ZSCAN31: variants seen among roughly 807,000 people sequenced by gnomAD.
ZSCAN31 encodes zinc finger and SCAN domain-containing protein 31.
A neutral mutation model predicts 22.5 loss-of-function variants in ZSCAN31; 14 were observed. The ratio of observed to expected loss-of-function variants is 0.62; its 90% CI spans 0.41 to 0.97. The LOEUF (loss-of-function observed/expected upper bound fraction) is 0.97, where lower values mean the gene tolerates loss of function less well. ZSCAN31 is among the 50% of genes least tolerant of loss of function. The pLI, the probability that ZSCAN31 is intolerant of heterozygous loss-of-function variation, is 0.00. For synonymous variants in ZSCAN31, 168 were observed against 169.8 expected (o/e 0.99, Z 0.08); for missense variants, 424 against 483.4 (o/e 0.88, Z 1.15).
At chr6:28,328,852 A>G (rs1197423563) in intron 2 of ZSCAN31, among the ~76,000 whole-genome samples, 3 of 152,192 alleles carry the variant, frequency 2.0e-5, no homozygotes, top group Non-Finnish European at 2.9e-5. Flanking sequence ...TGTCCATGAA[A>G]TCTTCACAAT....
rs751058800 is a variant in ZSCAN31, at chr6:28,326,643, G to A, written c.744C>T (p.Phe248=). 1.2e-6 allele frequency: 2 copies of A among 1,614,054 alleles called. No individual in the cohort carries two copies. The highest frequency in any genetic ancestry group is 4.5e-5 in the East Asian group (2 of 44,892). ...RHRCNECGKS[F]TKSSVLIEHQ... is the part of the protein sequence containing the mutation. ...GCTCAATGAGTACTGAACTCTTAGTGAAGCTTTTCCCACATTCATTGCACC... is the reference window on the plus strand; with the variant it reads ...GCTCAATGAGTACTGAACTCTTAGTAAAGCTTTTCCCACATTCATTGCACC... The change falls in exon 4 of 4, where the codon TTC becomes TTT. Residue 248 remains phenylalanine (F), a synonymous_variant. Transcript: ENST00000344279.
chr6:28,354,248 A>G (rs1765271881), upstream of ZSCAN31: 5 of 285,306 alleles, frequency 1.8e-5, no homozygotes, highest in South Asian at 1.7e-4. Flanking sequence ...TTTACAGACA[A>G]TAGTGGCTGT....
intron 2 of ZSCAN31, chr6:28,350,306 G>C (rs931281489): frequency 6.6e-6 from 1 of 152,196 alleles, no homozygotes; most frequent in South Asian, 2.1e-4. Flanking sequence ...GTTCTTGAGG[G>C]TATTTGGAGA....
At chr6:28,350,084 A>ATGTG (rs112636754) in intron 2 of ZSCAN31, 19,254 of 148,688 alleles carry the variant, frequency 0.13, 1,971 homozygotes, top group African/African-American at 0.28. Context: ...TTGCAGGAGT[A>ATGTG]TGTGTGTGTG....
At chr6:28,353,718 C>T (rs766209574) in intron 2 of ZSCAN31, 3 of 414,336 alleles carry the variant, frequency 7.2e-6, no homozygotes. Context: ...AAGTTAAAAC[C>T]TTGCGAGTGA....
chr6:28,325,470 T>A lies in ZSCAN31; in HGVS notation c.*696A>T, dbSNP rs978187574. ...GTTGATGATTCATGTCAAACTCATA[T>A]TAACTCATGATATCAACATATATAT... On this transcript the variant is annotated 3_prime_UTR_variant, in exon 4 of 4. Transcript: ENST00000344279. The A allele has an allele frequency of 1.4e-5, 2 of 138,528 alleles. No homozygotes were observed. Among genetic ancestry groups the A allele is most frequent in the Non-Finnish European group, 3.1e-5 (2 of 64,744 alleles). 8.6% of individuals were successfully genotyped at this position (138,528 alleles called of 1,614,324 possible). A position where few individuals can be genotyped will look rare whatever the true frequency, so the allele number is the denominator to read the frequency against.
At chr6:28,339,476 C>T (rs144600472), upstream of ZSCAN31, among the ~76,000 whole-genome samples, 3,031 of 151,486 alleles carry the variant, frequency 0.02, 84 homozygotes, top group South Asian at 0.1. Context: ...TTAGTAGAGA[C>T]GGGGTTTCGC....
chr6:28,330,983 A>G (rs571217950), intron 1 of ZSCAN31, among the ~76,000 whole-genome samples: 2 of 152,302 alleles, frequency 1.3e-5, no homozygotes, highest in Non-Finnish European at 2.9e-5. Flanking sequence ...GAGCACACAC[A>G]ATGGCGATAA....
rs1027139290 is a variant in ZSCAN31, at chr6:28,349,769, A to C, written c.-371+4093T>G. On this transcript the variant is annotated intron_variant, in intron 2 of 7. Transcript: ENST00000396838. This position sits in a 1 kb window ranked among gnomAD's most constrained non-coding sequence, Gnocchi z 4.1. ...CGCAAATATAGCAAATTATGAAAAT[A>C]ATTCTGCACCTTGCCTTTCTCCCTT... 1.1e-4 allele frequency: 17 copies of C among 152,362 alleles called. No individual in the cohort carries two copies. Among genetic ancestry groups the C allele is most frequent in the African/African-American group, 4.1e-4 (17 of 41,588 alleles). 9.4% of individuals were successfully genotyped at this position (152,362 alleles called of 1,614,324 possible). A position where few individuals can be genotyped will look rare whatever the true frequency, so the allele number is the denominator to read the frequency against.
intron 2 of ZSCAN31, among the ~76,000 whole-genome samples, chr6:28,327,854 G>A (rs1443760572): frequency 1.3e-5 from 2 of 152,096 alleles, no homozygotes; most frequent in Non-Finnish European, 2.9e-5. Flanking sequence ...GTCGTAAAAA[G>A]TATCAGAGAA....
chr6:28,353,765 A>G, intron 2 of ZSCAN31: 3 of 451,414 alleles, frequency 6.6e-6, no homozygotes, highest in South Asian at 3.1e-5. Flanking sequence ...GGATAGAGAA[A>G]AGAAAAGGTC....
At chr6:28,341,923 G>A (rs1271545000) in intron 2 of ZSCAN31, 3 of 152,152 alleles carry the variant, frequency 2.0e-5, no homozygotes, top group African/African-American at 7.2e-5. Context: ...GAACACAAAA[G>A]GCCCTAGAAG....
rs377528352 is a variant in ZSCAN31 at position 28,326,120 on chromosome 6, A to C, written c.*46T>G. 2.2e-5 allele frequency: 34 copies of C among 1,514,688 alleles called. No individual in the cohort carries two copies. Among genetic ancestry groups the C allele is most frequent in the Non-Finnish European group, 3.0e-5 (34 of 1,117,980 alleles). The allele number at this position is 1,514,688 out of a possible 1,614,324, so 93.8% of individuals were successfully genotyped here. A position where few individuals can be genotyped will look rare whatever the true frequency, so the allele number is the denominator to read the frequency against. ...GAACAGTATGGATTCTAAAATGCCT[A>C]ATAAGGTTGCAATGATGACTGAAGG... is the stretch of plus-strand genomic sequence containing the variant. On this transcript the variant is annotated 3_prime_UTR_variant, in exon 4 of 4. Transcript: ENST00000344279.
intron 2 of ZSCAN31, among the ~76,000 whole-genome samples, chr6:28,346,865 A>T (rs963199225): frequency 4.6e-5 from 7 of 152,198 alleles, no homozygotes; most frequent in African/African-American, 1.7e-4. Flanking sequence ...CAACACTAGG[A>T]ACTGTAAATC....
chr6:28,338,160 A>G (rs968840488), upstream of ZSCAN31, among the ~76,000 whole-genome samples: 2 of 152,176 alleles, frequency 1.3e-5, no homozygotes, highest in Non-Finnish European at 2.9e-5. Flanking sequence ...GCACATTGGG[A>G]GGCTGAGGCA....
intron 1 of ZSCAN31, chr6:28,354,077 C>T (rs1168362449): frequency 1.7e-5 from 7 of 403,962 alleles, no homozygotes; most frequent in Non-Finnish European, 3.0e-5. Flanking sequence ...TGGCTCCTGC[C>T]GCTCCCACAC....
intron 3 of ZSCAN31, 110 bp from the exon 4 acceptor site, chr6:28,326,964 A>G: frequency 4.6e-6 from 5 of 1,098,592 alleles, no homozygotes; most frequent in Non-Finnish European, 6.4e-6. Flanking sequence ...CTAGGAATGA[A>G]GAACTGTCAG....
In ZSCAN31 at chr6:28,347,435, C is replaced by T. The variant is rs1344274067; in HGVS notation, c.-370-5643G>A. ...ATTTGTATTGCAGTTAGCCCCCTCT[C>T]ATGCCAGGACTTCTGATCTCTCTAC... is the stretch of plus-strand genomic sequence containing the variant. On this transcript the variant is annotated intron_variant, in intron 2 of 7. Transcript: ENST00000396838. This position sits in a 1 kb window ranked among gnomAD's most constrained non-coding sequence, Gnocchi z 5.2. 6.6e-6 allele frequency among the ~76,000 whole-genome samples: 1 copy of T among 152,188 alleles called. No individual in the cohort carries two copies. The highest frequency in any genetic ancestry group is 1.5e-5 in the Non-Finnish European group (1 of 68,038).
chr6:28,327,479 G>C lies in ZSCAN31; in HGVS notation c.436C>G (p.Leu146Val), dbSNP rs1763383291. 1.2e-6 allele frequency: 2 copies of C among 1,613,976 alleles called. No individual in the cohort carries two copies. Among genetic ancestry groups the C allele is most frequent in the Non-Finnish European group, 8.5e-7 (1 of 1,180,020 alleles). Reference sequence around the variant, plus strand: ...TCTGTTGGTTCCTGCTTGACCTTCAGATGTTCCACATCCTCCAAGAGCACT... The same window carrying C: ...TCTGTTGGTTCCTGCTTGACCTTCACATGTTCCACATCCTCCAAGAGCACT... ...SEVLLEDVEH[L>V]KVKQEPTDIQ... Residue 146 changes from leucine (L) to valine (V), a missense_variant, in exon 3 of 4, where the codon CTG (leucine) becomes GTG (valine). Leu to Val is a conservative substitution (Grantham distance 32). Coordinates refer to ENST00000344279, the MANE Select transcript of ZSCAN31 (RefSeq NM_030899.5).
Sources: allele counts gnomAD v4.1 joint callset (sites outside exome capture counted in the v4.1 genomes callset), GRCh38; gene constraint gnomAD v4.1.1; non-coding constraint Gnocchi (gnomAD v3.1); transcripts MANE v1.5; gene names NCBI Gene and HGNC (gene_info 2026-07-23, HGNC 2026-07-21).